Variants in MACC1 observed in about 807,000 individuals in gnomAD.
The protein encoded by MACC1 is MET transcriptional regulator MACC1.
Under a neutral mutation model 70.7 loss-of-function variants are expected in MACC1, and 79 were observed. The ratio of observed to expected loss-of-function variants is 1.12; its 90% CI spans 0.93 to 1.35. The LOEUF (loss-of-function observed/expected upper bound fraction) is 1.35, where lower values mean the gene tolerates loss of function less well. Ranked by LOEUF, MACC1 falls within the 40% of genes most tolerant of loss-of-function variation. The probability of loss-of-function intolerance (pLI) is 0.00; values close to 1 mark genes in which losing one functional copy is unlikely to be tolerated. For missense variants in MACC1, 1,106 were observed against 978.1 expected, an observed-to-expected ratio of 1.13 and a Z score of -1.74; for synonymous variants, 361 against 347.2, an observed-to-expected ratio of 1.04 and a Z score of -0.44.
Position 20,135,897 on chromosome 7 carries a change from G to C in MACC1, c.*5049C>G, listed in dbSNP as rs1015781075. On this transcript the variant is annotated 3_prime_UTR_variant, in exon 7 of 7. Transcript: ENST00000400331. ...TCAAAAGATTATGTAAAGAATAAAT[G>C]AGGATATTTGTAAGGTGCTTAGTGT... 6.6e-6 allele frequency: 1 copy of C among 152,194 alleles called. No individual in the cohort carries two copies. The highest frequency in any genetic ancestry group is 1.5e-5 in the Non-Finnish European group (1 of 68,032). The allele number at this position is 152,194 out of a possible 1,614,324, so 9.4% of individuals were successfully genotyped here.
At chr7:20,201,743 C>G (rs1782836622) in intron 1 of MACC1, among the ~76,000 whole-genome samples, 1 of 152,150 alleles carries the variant, frequency 6.6e-6, no homozygotes, top group African/African-American at 2.4e-5. Flanking sequence ...TTCACCTTGT[C>G]CCTTGTTTTC....
At chr7:20,204,850 T>G (rs1374910843) in intron 1 of MACC1, among the ~76,000 whole-genome samples, 1 of 152,246 alleles carries the variant, frequency 6.6e-6, no homozygotes, top group African/African-American at 2.4e-5. Flanking sequence ...ATACTTGTAC[T>G]GCTTTTTCAG....
At chr7:20,155,581 T>A (rs1466626684) in intron 5 of MACC1, among the ~76,000 whole-genome samples, 1 of 152,182 alleles carries the variant, frequency 6.6e-6, no homozygotes, top group Non-Finnish European at 1.5e-5. Context: ...ACTGTAAACA[T>A]GTTTGGTAGC....
intron 1 of MACC1, among the ~76,000 whole-genome samples, chr7:20,202,760 G>A (rs1308275004): frequency 2.0e-5 from 3 of 152,308 alleles, no homozygotes. Flanking sequence ...GTTTTACTGA[G>A]AAATTGAATC....
At chr7:20,166,247 T>G (rs1040961595) in intron 2 of MACC1, among the ~76,000 whole-genome samples, 2 of 152,246 alleles carry the variant, frequency 1.3e-5, no homozygotes, top group Non-Finnish European at 2.9e-5. Context: ...ATAACTCTTA[T>G]AGGTGACAGG....
chr7:20,145,540 A>G (rs1251391410), intron 6 of MACC1, among the ~76,000 whole-genome samples: 1 of 152,096 alleles, frequency 6.6e-6, no homozygotes, highest in East Asian at 1.9e-4. Flanking sequence ...GGTATTTTAA[A>G]AAGAAAAAAA....
chr7:20,204,876 C>T (rs1782886456), intron 1 of MACC1, among the ~76,000 whole-genome samples: 1 of 151,954 alleles, frequency 6.6e-6, no homozygotes. Context: ...TAAAATTATC[C>T]AAAATGAAGA....
At chr7:20,167,235 G>A (rs1324457157) in intron 2 of MACC1, among the ~76,000 whole-genome samples, 5 of 150,720 alleles carry the variant, frequency 3.3e-5, no homozygotes, top group South Asian at 2.1e-4. Context: ...TTGCTCTGTC[G>A]CCCAGGCTGG....
chr7:20,168,651 C>T (rs1782257344), intron 2 of MACC1, among the ~76,000 whole-genome samples: 1 of 152,146 alleles, frequency 6.6e-6, no homozygotes, highest in African/African-American at 2.4e-5. Context: ...TCATCTCACC[C>T]AAAGGCAATT....
intron 1 of MACC1, among the ~76,000 whole-genome samples, chr7:20,214,489 T>C (rs1224227879): frequency 6.6e-6 from 1 of 152,162 alleles, no homozygotes; most frequent in African/African-American, 2.4e-5. Context: ...TCCTGTAAAT[T>C]CACTCTTATT....
rs113543091 is a variant in MACC1 at position 20,213,825 on chromosome 7, A to G, written c.-218+3474T>C. Among the ~76,000 whole-genome samples the G allele has an allele frequency of 8.8e-3, 1,336 of 152,276 alleles. 22 individuals carry two copies. The highest frequency in any genetic ancestry group is 0.029 in the African/African-American group (1,220 of 41,536). On this transcript the variant is annotated intron_variant, in intron 1 of 6. Transcript: ENST00000400331. ...GGGTACTAGGCTTAATACCTGGGTG[A>G]TGAAATAATCTGTACAACGAAGCCC... is the stretch of plus-strand genomic sequence containing the variant.
In MACC1 at chr7:20,159,688, C is replaced by G. The variant is rs745809450; in HGVS notation, c.673G>C (p.Val225Leu). The G allele has an allele frequency of 6.2e-7, 1 of 1,614,184 alleles. No homozygotes were observed. Among genetic ancestry groups the G allele is most frequent in the East Asian group, 2.2e-5 (1 of 44,884 alleles). The stretch of plus-strand genomic sequence containing the variant: ...GTGATGTCTGATTCAGGTAATTGTA[C>G]TGACCCTCCTTGATGGTTTACTTTG... Reference protein sequence around the residue: ...ACKVNHQGGSVQLPESDITVH... With the variant: ...ACKVNHQGGSLQLPESDITVH... Residue 225 changes from valine to leucine, a missense_variant, in exon 5 of 7, where the codon GTA (valine) becomes CTA (leucine). Coordinates refer to ENST00000400331, the MANE Select transcript of MACC1 (RefSeq NM_182762.4).
intron 1 of MACC1, among the ~76,000 whole-genome samples, chr7:20,208,950 G>A (rs1369647066): frequency 6.6e-6 from 1 of 152,228 alleles, no homozygotes; most frequent in Non-Finnish European, 1.5e-5. Context: ...TCAGGTCATT[G>A]CTCCAGAGAC....
At chr7:20,169,188 T>A (rs1158936719) in intron 2 of MACC1, among the ~76,000 whole-genome samples, 1 of 152,212 alleles carries the variant, frequency 6.6e-6, no homozygotes, top group Non-Finnish European at 1.5e-5. Context: ...CCATAAAATA[T>A]TCCCAGTGAT....
At chr7:20,209,483 C>A (rs1782964525) in intron 1 of MACC1, among the ~76,000 whole-genome samples, 1 of 152,208 alleles carries the variant, frequency 6.6e-6, no homozygotes, top group Non-Finnish European at 1.5e-5. Context: ...TTGCATGGGG[C>A]CTAGAGCCCC....
intron 1 of MACC1, among the ~76,000 whole-genome samples, chr7:20,202,611 C>G (rs1228026377): frequency 6.6e-6 from 1 of 152,188 alleles, no homozygotes. Context: ...AAATGATTTA[C>G]TATCTGTGAT....
chr7:20,180,321 T>A (rs1782483051), intron 1 of MACC1, among the ~76,000 whole-genome samples: 1 of 151,400 alleles, frequency 6.6e-6, no homozygotes, highest in African/African-American at 2.4e-5. Context: ...CACGTGCCCG[T>A]AGTCCCAGCT....
intron 1 of MACC1, among the ~76,000 whole-genome samples, chr7:20,188,048 A>C (rs746012840): frequency 1.3e-5 from 2 of 152,182 alleles, no homozygotes; most frequent in Non-Finnish European, 2.9e-5. Context: ...TGATAGCAGT[A>C]AGGAGAAGTG....
In MACC1 at chr7:20,158,238, C is replaced by T; in HGVS notation, c.2123G>A (p.Arg708Lys). ...TTCATACAGAAACTTCCTTGTATTTCTCTCTGTGTGGCAATCTTCCTTTAA... is the reference window on the plus strand; with the variant it reads ...TTCATACAGAAACTTCCTTGTATTTTTCTCTGTGTGGCAATCTTCCTTTAA... ...KKLKEDCHTE[R>K]NTRKFLYELI... Residue 708 changes from arginine to lysine, a missense_variant, in exon 5 of 7, where the codon AGA becomes AAA. Physicochemically the swap from Arg to Lys is conservative, Grantham distance 26. Transcript: ENST00000400331. 6.3e-7 allele frequency: 1 copy of T among 1,594,442 alleles called. No individual in the cohort carries two copies. Among genetic ancestry groups the T allele is most frequent in the African/African-American group, 1.4e-5 (1 of 73,704 alleles).
Sources: gnomAD v4.1 joint callset for allele counts (sites outside exome capture counted in the v4.1 genomes callset) on GRCh38, gnomAD v4.1.1 for gene constraint, MANE v1.5 for transcripts, NCBI Gene and HGNC (gene_info 2026-07-23, HGNC 2026-07-21) for gene names.